Variants in DNAH14 observed in about 807,000 individuals in gnomAD.
DNAH14 encodes dynein axonemal heavy chain 14.
In DNAH14, 478 loss-of-function variants were observed where a neutral mutation model predicts 520.9. The ratio of observed to expected loss-of-function variants is 0.92; its 90% CI spans 0.85 to 0.99. The LOEUF is 0.99. Among genes scored for constraint, DNAH14 ranks in the 50% least tolerant of loss-of-function variants. The probability of loss-of-function intolerance (pLI) is 0.00; values close to 1 mark genes in which losing one functional copy is unlikely to be tolerated. For synonymous variants in DNAH14, 1,581 were observed against 1,757.2 expected, an observed-to-expected ratio of 0.90 and a Z score of 2.51; for missense variants, 4,831 against 5,234.5, an observed-to-expected ratio of 0.92 and a Z score of 2.38.
At chr1:225,355,511 C>T (rs2095419683) in intron 73 of DNAH14, among the ~76,000 whole-genome samples, 1 of 152,096 alleles carries the variant, frequency 6.6e-6, no homozygotes. Context: ...GGCAGAGCCC[C>T]CATGACCTAA....
chr1:225,184,863 A>G (rs1222063274), intron 36 of DNAH14, among the ~76,000 whole-genome samples: 2 of 152,100 alleles, frequency 1.3e-5, no homozygotes, highest in South Asian at 2.1e-4. Flanking sequence ...TAAGACAAGG[A>G]TGCCCACTCA....
intron 60 of DNAH14, among the ~76,000 whole-genome samples, chr1:225,312,049 T>C (rs2150135938): frequency 6.6e-6 from 1 of 152,338 alleles, no homozygotes; most frequent in Middle Eastern, 3.4e-3. Context: ...TATGGCCATT[T>C]TCCTGATATT....
chr1:225,326,866 A>G (rs966849048), intron 64 of DNAH14, among the ~76,000 whole-genome samples: 2 of 152,128 alleles, frequency 1.3e-5, no homozygotes, highest in Non-Finnish European at 2.9e-5. Flanking sequence ...AAAAACTTGA[A>G]AGCTTAAACA....
At chr1:224,950,906 T>C (rs889666932) in intron 1 of DNAH14, among the ~76,000 whole-genome samples, 22 of 152,386 alleles carry the variant, frequency 1.4e-4, no homozygotes, top group African/African-American at 4.8e-4. Context: ...TTACCACTTA[T>C]TGAATTTCAT....
intron 41 of DNAH14, among the ~76,000 whole-genome samples, chr1:225,219,386 TA>T (rs796374571): frequency 0.048 from 6,443 of 134,614 alleles, 369 homozygotes; most frequent in African/African-American, 0.15. Context: ...GGAGCTGGTT[TA>T]AAAAAAAAAA....
intron 79 of DNAH14, among the ~76,000 whole-genome samples, chr1:225,378,620 C>T (rs909251621): frequency 2.0e-5 from 3 of 152,104 alleles, no homozygotes; most frequent in Non-Finnish European, 4.4e-5. Flanking sequence ...GGTGGGCTCA[C>T]GCCTGTGATG....
chr1:225,159,324 G>A lies in DNAH14; in HGVS notation c.5284G>A (p.Asp1762Asn). 6.4e-7 allele frequency: 1 copy of A among 1,551,154 alleles called. No homozygotes were observed. Among genetic ancestry groups the A allele is most frequent in the Non-Finnish European group, 8.7e-7 (1 of 1,146,722 alleles). Residue 1762 changes from aspartate (D) to asparagine (N), a missense_variant, in exon 35 of 86, where the codon GAC becomes AAC. Physicochemically the swap from Asp to Asn is conservative, Grantham distance 23. Coordinates refer to ENST00000682510, the MANE Select transcript of DNAH14 (RefSeq NM_001367479.1). ...KKREFKCDTS[D>N]SLSEADETLI... ...CTTCTACCATTGAAGTGATACCAGT[G>A]ACAGTCTTTCTGAAGCAGATGAAAC...
intron 41 of DNAH14, among the ~76,000 whole-genome samples, chr1:225,210,046 T>A (rs560292516): frequency 2.6e-5 from 4 of 152,164 alleles, no homozygotes; most frequent in Admixed American, 6.5e-5. Flanking sequence ...CACAAGGGCC[T>A]TGGGTTTCAA....
chr1:225,015,323 C>T (rs1208719397), intron 10 of DNAH14, among the ~76,000 whole-genome samples: 1 of 152,116 alleles, frequency 6.6e-6, no homozygotes, highest in Non-Finnish European at 1.5e-5. Context: ...AGGACTTACT[C>T]CTGTAATTTT....
chr1:225,038,753 T>C lies in DNAH14; in HGVS notation c.1418T>C (p.Val473Ala). 1 of 1,537,844 alleles carries C rather than the reference T, an allele frequency of 6.5e-7. No individual in the cohort carries two copies. Among genetic ancestry groups the C allele is most frequent in the South Asian group, 1.2e-5 (1 of 80,316 alleles). ...GKTTNDCEEL[V>A]DNSKLHAISV... ...ACAACAAATGATTGTGAAGAACTTG[T>C]TGATAATTCAAAGTTACATGCTATT... Residue 473 changes from valine to alanine, a missense_variant, in exon 12 of 86, where the codon GTT becomes GCT. Coordinates refer to ENST00000682510, the MANE Select transcript of DNAH14 (RefSeq NM_001367479.1).
chr1:225,300,214 G>A (rs1336591749), intron 55 of DNAH14, among the ~76,000 whole-genome samples: 2 of 152,122 alleles, frequency 1.3e-5, no homozygotes, highest in African/African-American at 2.4e-5. Flanking sequence ...AAATGTAAAT[G>A]TATTGAGGGC....
chr1:225,179,142 A>G lies in DNAH14; in HGVS notation c.5536-6149A>G, dbSNP rs2083675405. The stretch of plus-strand genomic sequence containing the variant: ...CAGTGTGAAAACTGACTAATACATC[A>G]TATTGCAGTCAATCTCTCCCTTTAG... On this transcript the variant is annotated intron_variant, in intron 36 of 85. Coordinates refer to ENST00000682510, the MANE Select transcript of DNAH14 (RefSeq NM_001367479.1). Among the ~76,000 whole-genome samples, 3 of 152,108 alleles carry G rather than the reference A, an allele frequency of 2.0e-5. No individual in the cohort carries two copies. In the South Asian group the frequency reaches 6.2e-4, roughly 32 times the overall value.
chr1:225,109,988 T>C (rs2076364976), intron 23 of DNAH14, among the ~76,000 whole-genome samples: 1 of 152,208 alleles, frequency 6.6e-6, no homozygotes, highest in African/African-American at 2.4e-5. Context: ...TTCACACTGA[T>C]TTATTTGCAT....
At chr1:225,094,992 G>T (rs1338318878) in intron 21 of DNAH14, among the ~76,000 whole-genome samples, 1 of 152,036 alleles carries the variant, frequency 6.6e-6, no homozygotes, top group African/African-American at 2.4e-5. Flanking sequence ...CAGTCAGAAT[G>T]TCCATTATTA....
At chr1:225,208,422 A>G (rs1475711214) in intron 41 of DNAH14, among the ~76,000 whole-genome samples, 1 of 152,234 alleles carries the variant, frequency 6.6e-6, no homozygotes, top group Non-Finnish European at 1.5e-5. Context: ...ACAACAGTCA[A>G]GGAACTCTCA....
intron 17 of DNAH14, among the ~76,000 whole-genome samples, chr1:225,065,604 C>T (rs1348250341): frequency 6.6e-6 from 1 of 152,016 alleles, no homozygotes. Flanking sequence ...TAATTGAGAA[C>T]ATGTGATATT....
At position 225,152,463 on chromosome 1, in the gene DNAH14, G is replaced by T. The variant is rs141280579; in HGVS notation, c.5010-234G>T. Reference sequence around the variant, plus strand: ...TGATTGAATGCTGTAATAGTCCAAGGAATCAGAGGGAACTAATATGAGGTC... The same window carrying T: ...TGATTGAATGCTGTAATAGTCCAAGTAATCAGAGGGAACTAATATGAGGTC... On this transcript the variant is annotated intron_variant, in intron 32 of 85. Transcript: ENST00000682510. 1.7e-3 allele frequency among the ~76,000 whole-genome samples: 259 copies of T among 152,216 alleles called. 1 individual carries two copies. The highest frequency in any genetic ancestry group is 5.9e-3 in the African/African-American group (246 of 41,532).
Position 225,308,280 on chromosome 1 carries a change from A to C in DNAH14, c.9115-5A>C, listed in dbSNP as rs1202337451. ...CATTCTAAGAACAATTATGTGCTTCATTAGGAAACAGAAACTCTAATGGAA... is the reference window on the plus strand; with the variant it reads ...CATTCTAAGAACAATTATGTGCTTCCTTAGGAAACAGAAACTCTAATGGAA... On this transcript the variant is annotated splice_polypyrimidine_tract_variant and splice_region_variant and intron_variant, in intron 59 of 85. Coordinates refer to ENST00000682510, the MANE Select transcript of DNAH14 (RefSeq NM_001367479.1). 1 of 1,533,880 alleles carries C rather than the reference A, an allele frequency of 6.5e-7. No homozygotes were observed. Among genetic ancestry groups the C allele is most frequent in the Admixed American group, 2.2e-5 (1 of 45,542 alleles).
At chr1:225,072,731 A>G (rs1250391890) in intron 17 of DNAH14, among the ~76,000 whole-genome samples, 1 of 152,140 alleles carries the variant, frequency 6.6e-6, no homozygotes, top group Non-Finnish European at 1.5e-5. Context: ...ATTTTTCCTT[A>G]ACAGTCTGGC....
Sources: gnomAD v4.1 joint callset for allele counts (sites outside exome capture counted in the v4.1 genomes callset) on GRCh38, gnomAD v4.1.1 for gene constraint, MANE v1.5 for transcripts, NCBI Gene and HGNC (gene_info 2026-07-23, HGNC 2026-07-21) for gene names.